Variants in ATP2B2 observed in about 807,000 individuals in gnomAD.
ATP2B2 encodes the protein ATPase plasma membrane Ca2+ transporting 2.
A neutral mutation model predicts 120.0 loss-of-function variants in ATP2B2; 15 were observed. The observed-to-expected ratio is 0.12, with a 90% CI of 0.08 to 0.19. The LOEUF (loss-of-function observed/expected upper bound fraction) is 0.19, where lower values mean the gene tolerates loss of function less well. ATP2B2 is among the 10% of genes least tolerant of loss of function. ATP2B2 has a pLI of 1.00. For synonymous variants in ATP2B2, 694 were observed against 700.3 expected (o/e 0.99, Z 0.14); for missense variants, 1,045 against 1,719.8 (o/e 0.61, Z 6.94).
At chr3:10,626,702 T>C (rs1039570455) in intron 1 of ATP2B2, 10 of 151,936 alleles carry the variant, frequency 6.6e-5, no homozygotes, top group East Asian at 1.9e-4. Context: ...AATGGATGAA[T>C]GGAGATGTCA....
chr3:10,578,013 A>G (rs895955697), intron 2 of ATP2B2, among the ~76,000 whole-genome samples: 2 of 152,192 alleles, frequency 1.3e-5, no homozygotes, highest in Non-Finnish European at 2.9e-5. Flanking sequence ...CCAGAGTCCA[A>G]GTCTCTACTC....
At chr3:10,563,298 T>C (rs996830789) in intron 2 of ATP2B2, among the ~76,000 whole-genome samples, 1 of 151,986 alleles carries the variant, frequency 6.6e-6, no homozygotes, top group Non-Finnish European at 1.5e-5. Context: ...TGCTGAGCAG[T>C]GGCTGGATCA....
chr3:10,324,190 C>T lies in ATP2B2; in HGVS notation c.*4624G>A, dbSNP rs572382921. The T allele has an allele frequency of 4.6e-5, 7 of 152,230 alleles. No homozygotes were observed. The highest frequency in any genetic ancestry group is 1.9e-4 in the East Asian group (1 of 5,180). The allele number at this position is 152,230 out of a possible 1,614,324, so 9.4% of individuals were successfully genotyped here. A position where few individuals can be genotyped will look rare whatever the true frequency, so the allele number is the denominator to read the frequency against. ...GATTGTCCCAGAGCCCCCCAGAGCC[C>T]GGGCAGCTTACGGAAGCTGGAGGCG... is the stretch of plus-strand genomic sequence containing the variant. On this transcript the variant is annotated 3_prime_UTR_variant, in exon 23 of 23. Coordinates refer to ENST00000360273, the MANE Select transcript of ATP2B2 (RefSeq NM_001001331.4).
At chr3:10,374,788 A>G (rs1184643045) in intron 11 of ATP2B2, among the ~76,000 whole-genome samples, 2 of 152,230 alleles carry the variant, frequency 1.3e-5, no homozygotes, top group Non-Finnish European at 2.9e-5. Context: ...GCTTCCCCGG[A>G]AAACATTCAT....
At chr3:10,518,796 C>T (rs960587139) in intron 3 of ATP2B2, among the ~76,000 whole-genome samples, 2 of 152,234 alleles carry the variant, frequency 1.3e-5, no homozygotes, top group African/African-American at 4.8e-5. Flanking sequence ...CTTTCACCGG[C>T]AGGTGCTGTC....
chr3:10,522,544 A>G (rs2067006318), intron 3 of ATP2B2, among the ~76,000 whole-genome samples: 2 of 152,148 alleles, frequency 1.3e-5, no homozygotes, highest in Non-Finnish European at 2.9e-5. Flanking sequence ...TTAGCTGGAG[A>G]AAGGAGATGT....
At chr3:10,368,783 T>C (rs2061142190) in intron 12 of ATP2B2, among the ~76,000 whole-genome samples, 1 of 150,598 alleles carries the variant, frequency 6.6e-6, no homozygotes, top group African/African-American at 2.5e-5. Flanking sequence ...ATCCATCCAC[T>C]CATTCATCCA....
intron 2 of ATP2B2, among the ~76,000 whole-genome samples, chr3:10,437,410 T>C (rs557657646): frequency 2.0e-4 from 30 of 152,308 alleles, no homozygotes; most frequent in African/African-American, 6.5e-4. Context: ...AAACAGATTC[T>C]GAGAGGTGAT....
At chr3:10,609,202 G>A (rs565879214) in intron 2 of ATP2B2, among the ~76,000 whole-genome samples, 1 of 152,332 alleles carries the variant, frequency 6.6e-6, no homozygotes, top group East Asian at 1.9e-4. Context: ...CCTCCTGGGT[G>A]TGTACCAGGC....
chr3:10,407,701 G>A (rs907804110), intron 3 of ATP2B2, among the ~76,000 whole-genome samples: 10 of 152,226 alleles, frequency 6.6e-5, no homozygotes, highest in African/African-American at 1.9e-4. Context: ...CCACCCCTGC[G>A]TTGCTGTAGA....
At chr3:10,538,137 G>T (rs1008570239) in intron 2 of ATP2B2, among the ~76,000 whole-genome samples, 1 of 152,150 alleles carries the variant, frequency 6.6e-6, no homozygotes, top group African/African-American at 2.4e-5. Context: ...TTGATATTAT[G>T]ATAATAGTAG....
chr3:10,647,606 C>G (rs73125944), intron 1 of ATP2B2, among the ~76,000 whole-genome samples: 1 of 151,968 alleles, frequency 6.6e-6, no homozygotes, highest in Non-Finnish European at 1.5e-5. Context: ...GGTAAGGTTT[C>G]GGAGAATGAG....
At chr3:10,406,946 C>T (rs1257422566) in intron 3 of ATP2B2, among the ~76,000 whole-genome samples, 6 of 152,242 alleles carry the variant, frequency 3.9e-5, no homozygotes, top group Non-Finnish European at 7.3e-5. Flanking sequence ...GCCTCCCTCT[C>T]GGGAAGACGT....
chr3:10,470,160 C>A (rs144549518), intron 1 of ATP2B2, among the ~76,000 whole-genome samples: 1 of 152,034 alleles, frequency 6.6e-6, no homozygotes, highest in Non-Finnish European at 1.5e-5. Flanking sequence ...CTGTCTCTGA[C>A]GAGGAGGTTG....
chr3:10,448,397 C>A (rs771344519), intron 2 of ATP2B2, among the ~76,000 whole-genome samples: 2 of 152,190 alleles, frequency 1.3e-5, no homozygotes, highest in Non-Finnish European at 2.9e-5. Context: ...GAGCCTCACA[C>A]ACATGCCTGT....
intron 5 of ATP2B2, among the ~76,000 whole-genome samples, chr3:10,396,905 C>A (rs1190774183): frequency 3.9e-5 from 6 of 152,224 alleles, no homozygotes; most frequent in Non-Finnish European, 5.9e-5. Flanking sequence ...GGGATTGGAA[C>A]CCAGTCTGTT....
intron 22 of ATP2B2, among the ~76,000 whole-genome samples, chr3:10,330,585 T>C (rs1456486845): frequency 6.6e-6 from 1 of 152,214 alleles, no homozygotes; most frequent in African/African-American, 2.4e-5. Flanking sequence ...AGTCGGCTGC[T>C]GTGTGCAGGC....
At position 10,328,424 on chromosome 3, in the gene ATP2B2, C is replaced by A. The variant is rs78340012; in HGVS notation, c.*390G>T. On this transcript the variant is annotated 3_prime_UTR_variant, in exon 23 of 23. Transcript: ENST00000360273. ...CCGCCTAAGAAAACAAACAAACAAACAAAAACCCCTCCCCAACCCCCAAAA... is the reference window on the plus strand; with the variant it reads ...CCGCCTAAGAAAACAAACAAACAAAAAAAAACCCCTCCCCAACCCCCAAAA... 1,651 of 197,020 alleles carry A rather than the reference C, an allele frequency of 8.4e-3. 31 individuals are homozygous for A. The highest frequency in any genetic ancestry group is 0.037 in the African/African-American group (1,582 of 42,616). 12.2% of individuals were successfully genotyped at this position (197,020 alleles called of 1,614,324 possible). A position where few individuals can be genotyped will look rare whatever the true frequency, so the allele number is the denominator to read the frequency against.
chr3:10,495,837 A>T (rs986035239), intron 1 of ATP2B2, among the ~76,000 whole-genome samples: 1 of 152,222 alleles, frequency 6.6e-6, no homozygotes, highest in Non-Finnish European at 1.5e-5. Context: ...GGTGAGGCTG[A>T]GTCTTGGTCC....
Sources: allele counts gnomAD v4.1 joint callset (sites outside exome capture counted in the v4.1 genomes callset), GRCh38; gene constraint gnomAD v4.1.1; transcripts MANE v1.5; gene names NCBI Gene and HGNC (gene_info 2026-07-23, HGNC 2026-07-21).